The following C6orf141 variants were observed in gnomAD, a reference collection of about 807,000 sequenced individuals.
C6orf141 encodes the protein uncharacterized protein C6orf141.
For synonymous variants in C6orf141, 164 were observed against 140.5 expected (o/e 1.17, Z -1.18); for missense variants, 361 against 335.8 (o/e 1.07, Z -0.59).
At position 49,551,003 on chromosome 6, in the gene C6orf141, C is replaced by G; in HGVS notation, c.211C>G (p.Leu71Val). 1 of 1,551,160 alleles carries G rather than the reference C, an allele frequency of 6.4e-7. No individual in the cohort carries two copies. Among genetic ancestry groups the G allele is most frequent in the Non-Finnish European group, 8.7e-7 (1 of 1,146,904 alleles). ...CGAGGACAGAACGGCAGATCGGGCC[C>G]TCGGACCTCGGGCCGGGGAGGAATT... is the stretch of plus-strand genomic sequence containing the variant. ...GHEDRTADRA[L>V]GPRAGEELDR... The change falls in exon 1 of 1, where the codon CTC becomes GTC. Residue 71 changes from leucine (L) to valine (V), a missense_variant. By Grantham distance (32) the Leu-to-Val change is conservative. Transcript: ENST00000529246.
At chr6:49,558,080 T>TTTTTTTTC (rs1554168745) in intron 4 of C6orf141, among the ~76,000 whole-genome samples, 2 of 138,198 alleles carry the variant, frequency 1.4e-5, no homozygotes, top group Non-Finnish European at 3.1e-5. Context: ...TTTTTTTTTT[T>TTTTTTTTC]TTTAGTAGAG....
rs574420823 is a variant in C6orf141, at chr6:49,560,268, T to C, written c.*764-1436T>C. 2.0e-5 allele frequency among the ~76,000 whole-genome samples: 3 copies of C among 151,686 alleles called. No homozygotes were observed. In the South Asian group the frequency reaches 6.3e-4, roughly 32 times the overall value. On this transcript the variant is annotated intron_variant and NMD_transcript_variant, in intron 4 of 4. Transcript: ENST00000371194. ...AGGCAGAGGTTGCAGTGAGCCGAGA[T>C]CGCGCCACCGCACTCCAGCCTGGGT...
At chr6:49,561,738 G>T (rs1332047474) in exon 5 of C6orf141, 1 of 151,988 alleles carries the variant, frequency 6.6e-6, no homozygotes, top group Non-Finnish European at 1.5e-5. Context: ...AGCCTGGAAT[G>T]TAGTGGCATC....
At chr6:49,556,269 GT>G (rs1298770947), downstream of C6orf141, among the ~76,000 whole-genome samples, 4 of 152,204 alleles carry the variant, frequency 2.6e-5, no homozygotes, top group South Asian at 4.1e-4. Context: ...AAACTGAAAA[GT>G]TTTTTTATTC....
chr6:49,553,380 G>A (rs567163981), downstream of C6orf141, among the ~76,000 whole-genome samples: 16 of 152,304 alleles, frequency 1.1e-4, no homozygotes, highest in African/African-American at 3.9e-4. Context: ...CAGCATCTGA[G>A]CTCATCTGTG....
chr6:49,555,790 G>A (rs915958435), downstream of C6orf141, among the ~76,000 whole-genome samples: 2 of 152,116 alleles, frequency 1.3e-5, no homozygotes, highest in Admixed American at 6.6e-5. Flanking sequence ...TTACAGGCGT[G>A]AGCCACCGCG....
intron 4 of C6orf141, among the ~76,000 whole-genome samples, chr6:49,558,059 GTTT>G (rs71002664): frequency 1.8e-4 from 18 of 97,756 alleles, no homozygotes; most frequent in African/African-American, 6.5e-4. Context: ...ACTCAAATAT[GTTT>G]TTTTTTTTTT....
At chr6:49,555,702 G>A (rs1027356485), downstream of C6orf141, among the ~76,000 whole-genome samples, 1 of 152,060 alleles carries the variant, frequency 6.6e-6, no homozygotes, top group Admixed American at 6.5e-5. Context: ...GAGAAATGGG[G>A]TTTCACCATG....
At chr6:49,553,497 G>A (rs565330684), downstream of C6orf141, among the ~76,000 whole-genome samples, 66 of 152,332 alleles carry the variant, frequency 4.3e-4, no homozygotes, top group African/African-American at 1.3e-3. Flanking sequence ...TGGCATGTAA[G>A]TTTCAGACCT....
In C6orf141 at chr6:49,550,693, G is replaced by T. The variant is rs985843098; in HGVS notation, c.-100G>T. On this transcript the variant is annotated 5_prime_UTR_variant, in exon 1 of 1. Transcript: ENST00000529246. ...AGTCTTCAGCTTTCACCGGCTGGGA[G>T]TCCGGAGCTGCAGCAGAGGCCACAC... The T allele has an allele frequency of 2.8e-6, 3 of 1,080,028 alleles. No homozygotes were observed. The highest frequency in any genetic ancestry group is 3.8e-6 in the Non-Finnish European group (3 of 782,580). 66.9% of individuals were successfully genotyped at this position (1,080,028 alleles called of 1,614,324 possible).
At chr6:49,552,127 G>A (rs7758141), downstream of C6orf141, 9,571 of 187,940 alleles carry the variant, frequency 0.051, 546 homozygotes, top group African/African-American at 0.15. Flanking sequence ...AGATTTCAAC[G>A]TGAAATTCCA....
rs1271088455 is a variant in C6orf141 at position 49,551,953 on chromosome 6, G to A, written c.*426G>A. 2 of 1,012,192 alleles carry A rather than the reference G, an allele frequency of 2.0e-6. No individual in the cohort carries two copies. Among genetic ancestry groups the A allele is most frequent in the Non-Finnish European group, 2.4e-6 (2 of 838,354 alleles). The allele number at this position is 1,012,192 out of a possible 1,614,324, so 62.7% of individuals were successfully genotyped here. On this transcript the variant is annotated 3_prime_UTR_variant, in exon 1 of 1. Transcript: ENST00000529246. ...GTGGGAGTGGGTGGAGAAGAGGCTT[G>A]TTTTAAAAGCCAAAAACAGAAAGTA... is the stretch of plus-strand genomic sequence containing the variant.
Position 49,550,703 on chromosome 6 carries a change from G to A in C6orf141, c.-90G>A. On this transcript the variant is annotated 5_prime_UTR_variant, in exon 1 of 1. Transcript: ENST00000529246. Reference sequence around the variant, plus strand: ...TTTCACCGGCTGGGAGTCCGGAGCTGCAGCAGAGGCCACACCCAGGGCTTG... The same window carrying A: ...TTTCACCGGCTGGGAGTCCGGAGCTACAGCAGAGGCCACACCCAGGGCTTG... The A allele has an allele frequency of 8.6e-7, 1 of 1,168,284 alleles. No individual in the cohort carries two copies. The highest frequency in any genetic ancestry group is 1.2e-6 in the Non-Finnish European group (1 of 861,680). The allele number at this position is 1,168,284 out of a possible 1,614,324, so 72.4% of individuals were successfully genotyped here.
intron 4 of C6orf141, among the ~76,000 whole-genome samples, chr6:49,560,178 G>A (rs757909522): frequency 5.3e-5 from 8 of 152,042 alleles, no homozygotes; most frequent in African/African-American, 9.7e-5. Context: ...AGCCAGATGC[G>A]GTGGTGCGCA....
Position 49,551,566 on chromosome 6 carries a change from G to T in C6orf141, c.*39G>T. ...AAATGTTCCGGGATGGTGGATGAGC[G>T]ATCATCCTTAAAAGAAAATGCTATT... On this transcript the variant is annotated 3_prime_UTR_variant, in exon 1 of 1. Transcript: ENST00000529246. 1.3e-6 allele frequency: 2 copies of T among 1,541,072 alleles called. No homozygotes were observed. Among genetic ancestry groups the T allele is most frequent in the South Asian group, 1.2e-5 (1 of 82,806 alleles).
chr6:49,553,497 G>C (rs565330684), downstream of C6orf141, among the ~76,000 whole-genome samples: 1 of 152,214 alleles, frequency 6.6e-6, no homozygotes, highest in Non-Finnish European at 1.5e-5. Context: ...TGGCATGTAA[G>C]TTTCAGACCT....
chr6:49,552,012 G>A lies in C6orf141; in HGVS notation c.*485G>A, dbSNP rs545277406. On this transcript the variant is annotated 3_prime_UTR_variant, in exon 1 of 1. Coordinates refer to ENST00000529246, the MANE Select transcript of C6orf141 (RefSeq NM_001145652.2). ...TGGGAAAGTAAAACCAAAGCAGCAA[G>A]TGACTCTCTTCTGATGTGCACTTTT... 5 of 908,680 alleles carry A rather than the reference G, an allele frequency of 5.5e-6. No individual in the cohort carries two copies. Among genetic ancestry groups the A allele is most frequent in the Non-Finnish European group, 6.7e-6 (5 of 745,314 alleles). The allele number at this position is 908,680 out of a possible 1,614,324, so 56.3% of individuals were successfully genotyped here.
In C6orf141 at chr6:49,551,988, G is replaced by A. The variant is rs1480212139; in HGVS notation, c.*461G>A. On this transcript the variant is annotated 3_prime_UTR_variant, in exon 1 of 1. Coordinates refer to ENST00000529246, the MANE Select transcript of C6orf141 (RefSeq NM_001145652.2). ...CCAAAAACAGAAAGTAAAAAGAAAT[G>A]GGAAAGTAAAACCAAAGCAGCAAGT... 1 of 998,992 alleles carries A rather than the reference G, an allele frequency of 1.0e-6. No individual in the cohort carries two copies. The highest frequency in any genetic ancestry group is 1.2e-6 in the Non-Finnish European group (1 of 827,552). 61.9% of individuals were successfully genotyped at this position (998,992 alleles called of 1,614,324 possible).
chr6:49,557,333 A>T (rs913886598), intron 4 of C6orf141, among the ~76,000 whole-genome samples: 1 of 152,176 alleles, frequency 6.6e-6, no homozygotes, highest in African/African-American at 2.4e-5. Context: ...TAGAACAAAC[A>T]GAGGCTGTGT....
Sources: gnomAD v4.1 joint callset for allele counts (sites outside exome capture counted in the v4.1 genomes callset) on GRCh38, gnomAD v4.1.1 for gene constraint, MANE v1.5 for transcripts, NCBI Gene and HGNC (gene_info 2026-07-23, HGNC 2026-07-21) for gene names.